The following PSMA1 variants were observed in gnomAD, a reference collection of about 807,000 sequenced individuals.
PSMA1 encodes proteasome subunit alpha type-1.
PSMA1 carries 3 observed loss-of-function variants against 38.4 expected under a neutral mutation model. The ratio of observed to expected loss-of-function variants is 0.08; its 90% confidence interval spans 0.04 to 0.20. The LOEUF is 0.20. Ranked by LOEUF, PSMA1 falls within the 10% of genes least tolerant of loss-of-function variation. The pLI, the probability that PSMA1 is intolerant of heterozygous loss-of-function variation, is 1.00. For synonymous variants in PSMA1, 101 were observed against 107.1 expected (o/e 0.94, Z 0.35); for missense variants, 227 against 325.3 (o/e 0.70, Z 2.32).
At chr11:14,624,381 C>CA (rs1478083064) in intron 1 of PSMA1, among the ~76,000 whole-genome samples, 2 of 152,164 alleles carry the variant, frequency 1.3e-5, no homozygotes, top group Admixed American at 6.5e-5. Flanking sequence ...TGAGCTAACT[C>CA]AGAGACCTCT....
chr11:14,619,230 C>T (rs919403143), intron 1 of PSMA1, among the ~76,000 whole-genome samples: 4 of 152,152 alleles, frequency 2.6e-5, no homozygotes, highest in African/African-American at 9.7e-5. Context: ...AAGCAGATTG[C>T]TTGAGCTCAG....
At chr11:14,605,098 G>T (rs762322668) in intron 2 of PSMA1, among the ~76,000 whole-genome samples, 1 of 152,170 alleles carries the variant, frequency 6.6e-6, no homozygotes, top group African/African-American at 2.4e-5. Context: ...TTGAGTAATA[G>T]TTGTTTTAAG....
chr11:14,522,792 C>T (rs1183376082), upstream of PSMA1, among the ~76,000 whole-genome samples: 1 of 152,104 alleles, frequency 6.6e-6, no homozygotes, highest in Admixed American at 6.6e-5. Flanking sequence ...ATAGAAAGGG[C>T]CTTTTGGATA....
chr11:14,588,273 A>T (rs1852372337), intron 2 of PSMA1, among the ~76,000 whole-genome samples: 1 of 152,240 alleles, frequency 6.6e-6, no homozygotes, highest in Non-Finnish European at 1.5e-5. Flanking sequence ...GGAAAGAAGA[A>T]TTTGGGCTGA....
intron 2 of PSMA1, among the ~76,000 whole-genome samples, chr11:14,593,969 G>A (rs558435470): frequency 2.8e-4 from 42 of 152,284 alleles, no homozygotes; most frequent in East Asian, 7.7e-4. Flanking sequence ...GTTGCCTTAC[G>A]CAGTTGTGGT....
chr11:14,520,253 CAG>C, intron 1 of PSMA1, 42 bp downstream of exon 1: 1 of 1,613,856 alleles, frequency 6.2e-7, no homozygotes, highest in Non-Finnish European at 8.5e-7. Context: ...CCCCAGTCAC[CAG>C]AGCTCTGCCC....
chr11:14,572,060 T>A (rs545071632), intron 2 of PSMA1, among the ~76,000 whole-genome samples: 5 of 152,114 alleles, frequency 3.3e-5, no homozygotes, highest in Non-Finnish European at 7.4e-5. Flanking sequence ...CATACAATAA[T>A]AATGGGAGAA....
chr11:14,527,472 T>A (rs1194113170), intron 2 of PSMA1, among the ~76,000 whole-genome samples: 1 of 152,176 alleles, frequency 6.6e-6, no homozygotes, highest in Non-Finnish European at 1.5e-5. Flanking sequence ...TCATTTCCTT[T>A]CCAACATGGA....
intron 2 of PSMA1, among the ~76,000 whole-genome samples, chr11:14,532,654 G>C (rs145972100): frequency 3.2e-5 from 4 of 125,754 alleles, no homozygotes; most frequent in African/African-American, 1.2e-4. Context: ...TTTCAATAAA[G>C]ACAATATGAT....
At chr11:14,633,768 T>G (rs1853070263) in intron 1 of PSMA1, among the ~76,000 whole-genome samples, 1 of 152,132 alleles carries the variant, frequency 6.6e-6, no homozygotes, top group Admixed American at 6.5e-5. Flanking sequence ...GATCTCAGAC[T>G]GCTGTGCTAG....
At chr11:14,512,811 G>A (rs1466810861) in intron 7 of PSMA1, among the ~76,000 whole-genome samples, 1 of 152,118 alleles carries the variant, frequency 6.6e-6, no homozygotes, top group Non-Finnish European at 1.5e-5. Flanking sequence ...CCAAATTTAG[G>A]GGTAACCTTG....
chr11:14,632,819 T>G (rs1392306034), intron 1 of PSMA1, among the ~76,000 whole-genome samples: 1 of 151,922 alleles, frequency 6.6e-6, no homozygotes, highest in Non-Finnish European at 1.5e-5. Flanking sequence ...AGACGTAGAT[T>G]TGGTCTTTTC....
At chr11:14,592,388 ATATATATTT>A (rs1360657492) in intron 2 of PSMA1, among the ~76,000 whole-genome samples, 12 of 143,818 alleles carry the variant, frequency 8.3e-5, no homozygotes, top group South Asian at 4.3e-4. Flanking sequence ...ATATATATAT[ATATATATTT>A]TTTTTTTAGA....
intron 2 of PSMA1, chr11:14,610,842 G>T: frequency 2.0e-5 from 19 of 948,754 alleles, no homozygotes; most frequent in South Asian, 7.0e-5. Context: ...TTCTCTTTTT[G>T]TTTTCTAGCC....
intron 2 of PSMA1, among the ~76,000 whole-genome samples, chr11:14,547,563 G>A (rs1331969586): frequency 6.6e-6 from 1 of 152,156 alleles, no homozygotes; most frequent in African/African-American, 2.4e-5. Context: ...GAACTGGGGA[G>A]GGTCCAGAGC....
chr11:14,509,745 C>T (rs1291171084), intron 8 of PSMA1, among the ~76,000 whole-genome samples: 3 of 136,732 alleles, frequency 2.2e-5, no homozygotes, highest in Admixed American at 7.6e-5. Context: ...GACGGAGTCT[C>T]GCTCTGTCGC....
At chr11:14,624,011 T>A (rs1852882114) in intron 1 of PSMA1, among the ~76,000 whole-genome samples, 1 of 152,204 alleles carries the variant, frequency 6.6e-6, no homozygotes, top group South Asian at 2.1e-4. Context: ...GAATGTCTGA[T>A]CTATGGGTAT....
intron 2 of PSMA1, among the ~76,000 whole-genome samples, chr11:14,589,240 TC>T (rs1044840940): frequency 6.6e-6 from 1 of 152,060 alleles, no homozygotes; most frequent in Non-Finnish European, 1.5e-5. Context: ...ACTTTCTTTT[TC>T]CCCATAGCAC....
chr11:14,564,241 G>A (rs934825166), intron 2 of PSMA1, among the ~76,000 whole-genome samples: 2 of 151,876 alleles, frequency 1.3e-5, no homozygotes, highest in African/African-American at 4.8e-5. Flanking sequence ...AGCCACATAT[G>A]TTCTTTGTTT....
Sources: gnomAD v4.1 joint callset for allele counts (sites outside exome capture counted in the v4.1 genomes callset) on GRCh38, gnomAD v4.1.1 for gene constraint, MANE v1.5 for transcripts, NCBI Gene and HGNC (gene_info 2026-07-23, HGNC 2026-07-21) for gene names.